The following SPTA1 variants were observed in gnomAD, a reference collection of about 807,000 sequenced individuals.
SPTA1 encodes spectrin alpha, erythrocytic 1.
Under a neutral mutation model 324.7 loss-of-function variants are expected in SPTA1, and 177 were observed. That is an observed-to-expected ratio of 0.55 (90% CI 0.48 to 0.62). The LOEUF (loss-of-function observed/expected upper bound fraction) is 0.62, where lower values mean the gene tolerates loss of function less well. Ranked by LOEUF, SPTA1 falls within the 20% of genes least tolerant of loss-of-function variation. The pLI is 0.00. For missense variants in SPTA1, 3,162 were observed against 2,883.6 expected (o/e 1.10, Z -2.21); for synonymous variants, 1,195 against 1,041.3 (o/e 1.15, Z -2.84).
In SPTA1 at chr1:158,680,726, C is replaced by T. The variant is rs1374487108; in HGVS notation, c.535G>A (p.Ala179Thr). 6.2e-7 allele frequency: 1 copy of T among 1,613,650 alleles called. No homozygotes were observed. The change falls in exon 5 of 52, where the codon GCT becomes ACT. Residue 179 changes from alanine (A) to threonine (T), a missense_variant. By Grantham distance (58) the Ala-to-Thr change is moderately conservative. Transcript: ENST00000643759. ...CCTAGCTCCACTGATGTCGCTATAG[C>T]CTCCTGTAGACACAGAAGTTGATTG... is the stretch of plus-strand genomic sequence containing the variant. ...DILEWIGDKE[A>T]IATSVELGED...
intron 32 of SPTA1, 29 bp downstream of exon 32, chr1:158,642,785 A>C (rs6659530): frequency 6.2e-7 from 1 of 1,613,680 alleles, no homozygotes; most frequent in Non-Finnish European, 8.5e-7. Flanking sequence ...GAATGGTGAA[A>C]TTTTCCAAGA....
chr1:158,634,306 A>G (rs1295818315), intron 39 of SPTA1, among the ~76,000 whole-genome samples: 1 of 152,252 alleles, frequency 6.6e-6, no homozygotes, highest in Non-Finnish European at 1.5e-5. Flanking sequence ...CAGATCACAG[A>G]TTATGGAATT....
At chr1:158,630,858 A>G (rs1205821037) in intron 39 of SPTA1, among the ~76,000 whole-genome samples, 1 of 152,078 alleles carries the variant, frequency 6.6e-6, no homozygotes, top group Non-Finnish European at 1.5e-5. Flanking sequence ...AAAATGGGCT[A>G]AAAACAAACA....
intron 44 of SPTA1, among the ~76,000 whole-genome samples, chr1:158,619,788 A>G (rs1649793732): frequency 6.6e-6 from 1 of 152,234 alleles, no homozygotes; most frequent in African/African-American, 2.4e-5. Context: ...AAAAGCTAAA[A>G]ATACATACGT....
At chr1:158,614,690 T>G (rs1649452250) in intron 48 of SPTA1, 1 of 205,176 alleles carries the variant, frequency 4.9e-6, no homozygotes. Context: ...AGAAAATATA[T>G]GTGCCTTACA....
intron 44 of SPTA1, 115 bp downstream of exon 44, chr1:158,620,055 T>C (rs1187616417): frequency 2.3e-6 from 3 of 1,326,386 alleles, no homozygotes; most frequent in Non-Finnish European, 3.3e-6. Context: ...TCATGACTTC[T>C]GTCCCAGTAT....
intron 49 of SPTA1, 44 bp from the exon 50 acceptor site, chr1:158,613,911 A>G (rs370159582): frequency 8.2e-6 from 13 of 1,594,924 alleles, no homozygotes; most frequent in Middle Eastern, 3.6e-4. Context: ...AGCTCAATAG[A>G]AAAACCAAGT....
rs918059417 is a variant in SPTA1 at position 158,668,205 on chromosome 1, C to T, written c.1834-143G>A. The T allele has an allele frequency of 3.7e-5, 35 of 950,358 alleles. No homozygotes were observed. In the Admixed American group the frequency reaches 3.9e-4, roughly 11 times the overall value. The allele number at this position is 950,358 out of a possible 1,614,324, so 58.9% of individuals were successfully genotyped here. A position where few individuals can be genotyped will look rare whatever the true frequency, so the allele number is the denominator to read the frequency against. On this transcript the variant is annotated intron_variant, in intron 14 of 51. Coordinates refer to ENST00000643759, the MANE Select transcript of SPTA1 (RefSeq NM_003126.4). Reference sequence around the variant, plus strand: ...AAAAGGGGGAAGTTTCCTAGTCCAACGTTTGAGAAATTCATGCAATGAATC... The same window carrying T: ...AAAAGGGGGAAGTTTCCTAGTCCAATGTTTGAGAAATTCATGCAATGAATC...
At chr1:158,647,828 T>A (rs539167344) in intron 26 of SPTA1, 108 bp from the exon 27 acceptor site, 2 of 1,153,310 alleles carry the variant, frequency 1.7e-6, no homozygotes, top group Admixed American at 4.2e-5. Context: ...ATATCAGTGA[T>A]GTACAAGTAT....
chr1:158,632,331 A>G (rs1404469983), intron 39 of SPTA1, among the ~76,000 whole-genome samples: 1 of 152,196 alleles, frequency 6.6e-6, no homozygotes, highest in Non-Finnish European at 1.5e-5. Flanking sequence ...ACAGTCAAGC[A>G]AGATGAAAAC....
intron 20 of SPTA1, 40 bp downstream of exon 20, chr1:158,656,524 G>A (rs1357643262): frequency 6.5e-7 from 1 of 1,545,124 alleles, no homozygotes; most frequent in African/African-American, 1.4e-5. Context: ...TTTCTTTGTG[G>A]TGGGAAGTGT....
intron 20 of SPTA1, among the ~76,000 whole-genome samples, chr1:158,656,155 T>G (rs573776316): frequency 6.0e-4 from 92 of 152,316 alleles, no homozygotes; most frequent in African/African-American, 2.2e-3. Context: ...GTAATTTTCC[T>G]GCAAATCAGG....
chr1:158,644,880 G>A lies in SPTA1; in HGVS notation c.4194+308C>T, dbSNP rs1571435688. ...CTTACTAATCTTTGTGGCACTCCGA[G>A]CCTCCACAGAGTAGAGTCTCAACAA... is the stretch of plus-strand genomic sequence containing the variant. On this transcript the variant is annotated intron_variant, in intron 29 of 51. Coordinates refer to ENST00000643759, the MANE Select transcript of SPTA1 (RefSeq NM_003126.4). Among the ~76,000 whole-genome samples the A allele has an allele frequency of 4.6e-5, 7 of 152,226 alleles. No individual in the cohort carries two copies. In the South Asian group the frequency reaches 1.5e-3, roughly 32 times the overall value.
At chr1:158,623,372 G>T (rs189886062) in intron 42 of SPTA1, among the ~76,000 whole-genome samples, 180 bp from the exon 43 acceptor site, 76 of 152,308 alleles carry the variant, frequency 5.0e-4, no homozygotes, top group Non-Finnish European at 7.8e-4. Context: ...TCCAGTTTAT[G>T]TATATTTTAC....
chr1:158,671,397 A>T lies in SPTA1; in HGVS notation c.1545T>A (p.Leu515=). ...GNSLGSAEAL[L]QKHEDFEEAF... ...CTTCCTCAAAGTCTTCATGCTTCTG[A>T]AGAAGGGCTTCTGCACTGCCCAGTG... is the stretch of plus-strand genomic sequence containing the variant. Residue 515 remains leucine (L), a synonymous_variant, in exon 12 of 52, where the codon CTT becomes CTA. Transcript: ENST00000643759. 1 of 1,613,434 alleles carries T rather than the reference A, an allele frequency of 6.2e-7. No homozygotes were observed. Among genetic ancestry groups the T allele is most frequent in the East Asian group, 2.2e-5 (1 of 44,852 alleles).
chr1:158,645,642 C>T (rs372507807), intron 27 of SPTA1, 48 bp from the exon 28 acceptor site: 1 of 1,587,056 alleles, frequency 6.3e-7, no homozygotes, highest in Non-Finnish European at 8.7e-7. Flanking sequence ...TTGCAACTTG[C>T]TACAGTGCTG....
At chr1:158,670,169 A>G (rs1318805994) in intron 12 of SPTA1, among the ~76,000 whole-genome samples, 3 of 152,078 alleles carry the variant, frequency 2.0e-5, no homozygotes, top group East Asian at 1.9e-4. Flanking sequence ...CTCTATCTCT[A>G]TCTCATCTCT....
intron 10 of SPTA1, 55 bp downstream of exon 10, chr1:158,674,274 A>G (rs1571513462): frequency 6.8e-7 from 1 of 1,471,284 alleles, no homozygotes; most frequent in Non-Finnish European, 9.5e-7. Context: ...TTGTGAGATT[A>G]TGTAATGACT....
chr1:158,669,359 T>C, intron 14 of SPTA1, 49 bp downstream of exon 14: 2 of 1,612,890 alleles, frequency 1.2e-6, no homozygotes, highest in Non-Finnish European at 1.7e-6. Context: ...GTACTTCCAA[T>C]GAAAGGAACT....
Sources: gnomAD v4.1 joint callset for allele counts (sites outside exome capture counted in the v4.1 genomes callset) on GRCh38, gnomAD v4.1.1 for gene constraint, MANE v1.5 for transcripts, NCBI Gene and HGNC (gene_info 2026-07-23, HGNC 2026-07-21) for gene names.